SOX5: variants seen among roughly 807,000 people sequenced by gnomAD.
SOX5 encodes transcription factor SOX-5.
A neutral mutation model predicts 92.0 loss-of-function variants in SOX5; 9 were observed. The ratio of observed to expected loss-of-function variants is 0.10; its 90% CI spans 0.06 to 0.17. The LOEUF (loss-of-function observed/expected upper bound fraction) is 0.17, where lower values mean the gene tolerates loss of function less well. SOX5 is among the 10% of genes least tolerant of loss of function. The pLI is 1.00. For synonymous variants in SOX5, 344 were observed against 336.3 expected (o/e 1.02, Z -0.25); for missense variants, 642 against 944.5 (o/e 0.68, Z 4.20).
chr12:24,268,430 A>G (rs190636089), intron 3 of SOX5, among the ~76,000 whole-genome samples: 254 of 152,350 alleles, frequency 1.7e-3, no homozygotes, highest in African/African-American at 5.8e-3. Context: ...TATTAAAAAA[A>G]GGAGTCTTAC....
intron 7 of SOX5, among the ~76,000 whole-genome samples, chr12:23,649,060 A>G (rs950686955): frequency 1.3e-5 from 2 of 152,160 alleles, no homozygotes; most frequent in Non-Finnish European, 2.9e-5. Flanking sequence ...TCAAGCCAAG[A>G]TTACTTTGGT....
intron 4 of SOX5, among the ~76,000 whole-genome samples, chr12:23,961,028 C>G (rs987564006): frequency 3.3e-5 from 5 of 152,102 alleles, no homozygotes; most frequent in African/African-American, 1.2e-4. Flanking sequence ...AAACTACAAA[C>G]TATCCAGTGG....
chr12:24,236,397 C>T (rs1964523889), intron 3 of SOX5, among the ~76,000 whole-genome samples: 1 of 152,000 alleles, frequency 6.6e-6, no homozygotes, highest in Admixed American at 6.6e-5. Flanking sequence ...TATAGAGTTA[C>T]CACCTGTAAA....
At chr12:24,031,746 A>C (rs1207659181) in intron 4 of SOX5, among the ~76,000 whole-genome samples, 4 of 151,698 alleles carry the variant, frequency 2.6e-5, no homozygotes, top group Non-Finnish European at 5.9e-5. Flanking sequence ...GGCATGCAGC[A>C]TGAAAAAAAA....
At chr12:24,287,384 C>T (rs1048566929) in intron 2 of SOX5, among the ~76,000 whole-genome samples, 2 of 152,142 alleles carry the variant, frequency 1.3e-5, no homozygotes, top group African/African-American at 4.8e-5. Context: ...TTACAGATAA[C>T]TTCTTGGATA....
rs142007936 is a variant in SOX5, at chr12:23,782,808, T to G, written c.482-27084A>C. Reference sequence around the variant, plus strand: ...GCTTTTTAAAACTATAGTTTTGGATTCCAGTTAAATAGTTTAGTCTCCTGA... The same window carrying G: ...GCTTTTTAAAACTATAGTTTTGGATGCCAGTTAAATAGTTTAGTCTCCTGA... On this transcript the variant is annotated intron_variant, in intron 3 of 14. Coordinates refer to ENST00000451604, the MANE Select transcript of SOX5 (RefSeq NM_006940.6). Among the ~76,000 whole-genome samples, 880 of 152,282 alleles carry G rather than the reference T, an allele frequency of 5.8e-3. 12 individuals carry two copies. Among genetic ancestry groups the G allele is most frequent in the African/African-American group, 0.02 (841 of 41,570 alleles).
chr12:24,496,972 A>G (rs1424596930), intron 1 of SOX5, among the ~76,000 whole-genome samples: 2 of 152,234 alleles, frequency 1.3e-5, no homozygotes, highest in African/African-American at 4.8e-5. Context: ...GTTATGACAC[A>G]GAGCTGTCCT....
intron 9 of SOX5, among the ~76,000 whole-genome samples, chr12:23,596,089 C>A (rs953704594): frequency 3.3e-5 from 5 of 152,080 alleles, no homozygotes; most frequent in Non-Finnish European, 5.9e-5. Context: ...AGCTTACATA[C>A]CTCTATAAAT....
intron 6 of SOX5, among the ~76,000 whole-genome samples, chr12:23,695,940 C>CAAAAAAAAAAAAAAAAA (rs71059917): frequency 1.7e-4 from 2 of 11,908 alleles, no homozygotes; most frequent in African/African-American, 5.4e-4. Flanking sequence ...GACTCTGTCT[C>CAAAAAAAAAAAAAAAAA]AAAAAAAAAA....
chr12:24,400,203 G>C (rs1961181796), intron 1 of SOX5, among the ~76,000 whole-genome samples: 1 of 152,198 alleles, frequency 6.6e-6, no homozygotes, highest in South Asian at 2.1e-4. Flanking sequence ...AATTTCAGTT[G>C]AAACTTTCAA....
chr12:24,080,162 A>C (rs569274109), intron 4 of SOX5, among the ~76,000 whole-genome samples: 13 of 152,084 alleles, frequency 8.5e-5, no homozygotes, highest in South Asian at 4.1e-4. Flanking sequence ...TACTGCATGT[A>C]AGATAAAAAT....
chr12:24,535,786 A>G (rs567431412), intron 1 of SOX5, among the ~76,000 whole-genome samples: 1 of 152,356 alleles, frequency 6.6e-6, no homozygotes, highest in Non-Finnish European at 1.5e-5. Context: ...AACAAAGTTC[A>G]GTTCCTGATA....
chr12:24,433,953 T>A (rs1036856161), intron 1 of SOX5, among the ~76,000 whole-genome samples: 4 of 151,774 alleles, frequency 2.6e-5, no homozygotes, highest in Non-Finnish European at 5.9e-5. Flanking sequence ...AAAGAGACAT[T>A]AAGGAGAGGT....
At chr12:23,631,673 G>C (rs927827653) in intron 8 of SOX5, among the ~76,000 whole-genome samples, 1 of 152,026 alleles carries the variant, frequency 6.6e-6, no homozygotes, top group Non-Finnish European at 1.5e-5. Flanking sequence ...AAGTTATATA[G>C]CTTTAGTATA....
At chr12:24,559,278 A>G (rs1954110017) in intron 1 of SOX5, among the ~76,000 whole-genome samples, 1 of 152,228 alleles carries the variant, frequency 6.6e-6, no homozygotes, top group Admixed American at 6.5e-5. Context: ...AACTCCAATT[A>G]TAGCATTCTC....
In SOX5 at chr12:23,548,397, A is replaced by G. The variant is rs180857105; in HGVS notation, c.1489-1973T>C. ...TCCACCACTAATGCACCCAATATTA[A>G]TAAAATGATTCAGTTAGCTACCCAA... is the stretch of plus-strand genomic sequence containing the variant. On this transcript the variant is annotated intron_variant, in intron 11 of 14. Transcript: ENST00000451604. 3.3e-3 allele frequency among the ~76,000 whole-genome samples: 500 copies of G among 152,172 alleles called. 3 individuals carry two copies. Among genetic ancestry groups the G allele is most frequent in the Admixed American group, 6.4e-3 (98 of 15,260 alleles).
intron 2 of SOX5, among the ~76,000 whole-genome samples, chr12:24,364,525 TATATATATATATATATATAC>T (rs1468212842): frequency 1.4e-5 from 2 of 144,104 alleles, no homozygotes; most frequent in African/African-American, 5.1e-5. Flanking sequence ...TATATATATA[TATATATATATATATATATAC>T]ACGAATAAAT....
At chr12:24,208,850 A>G (rs1319971471) in intron 4 of SOX5, among the ~76,000 whole-genome samples, 2 of 152,234 alleles carry the variant, frequency 1.3e-5, no homozygotes, top group African/African-American at 2.4e-5. Context: ...AAAGTCATTC[A>G]TGCAGCTGAA....
chr12:24,099,740 T>G (rs1275974120), intron 4 of SOX5, among the ~76,000 whole-genome samples: 1 of 152,134 alleles, frequency 6.6e-6, no homozygotes, highest in Non-Finnish European at 1.5e-5. Context: ...GAAGATGTAT[T>G]AAGTTTACTC....
Sources: allele counts gnomAD v4.1 joint callset (sites outside exome capture counted in the v4.1 genomes callset), GRCh38; gene constraint gnomAD v4.1.1; transcripts MANE v1.5; gene names NCBI Gene and HGNC (gene_info 2026-07-23, HGNC 2026-07-21).